Variants in C11orf65 observed in about 807,000 individuals in gnomAD.
C11orf65 encodes chromosome 11 open reading frame 65.
Under a neutral mutation model 35.3 loss-of-function variants are expected in C11orf65, and 38 were observed. The observed-to-expected ratio is 1.08, with a 90% CI of 0.83 to 1.41. C11orf65 has a LOEUF of 1.41. C11orf65 is among the 40% of genes most tolerant of loss of function. C11orf65 has a pLI of 0.00. For missense variants in C11orf65, 370 were observed against 367.1 expected, an observed-to-expected ratio of 1.01 and a Z score of -0.06; for synonymous variants, 105 against 114.4, an observed-to-expected ratio of 0.92 and a Z score of 0.53.
rs1383606113 is a variant in C11orf65, at chr11:108,349,148, A to C, written c.227-13856T>G. On this transcript the variant is annotated intron_variant, in intron 2 of 3. Transcript: ENST00000524755. ...AAAAAACTGAGAAGTACTCAAAGGAAGTCAGGATCTTGGAAGGCAAGAGGG... is the reference window on the plus strand; with the variant it reads ...AAAAAACTGAGAAGTACTCAAAGGACGTCAGGATCTTGGAAGGCAAGAGGG... 6.6e-6 allele frequency among the ~76,000 whole-genome samples: 1 copy of C among 152,234 alleles called. No individual in the cohort carries two copies. Among genetic ancestry groups the C allele is most frequent in the Admixed American group, 6.5e-5 (1 of 15,282 alleles).
At chr11:108,451,004 G>A (rs1407041213) in intron 2 of C11orf65, among the ~76,000 whole-genome samples, 2 of 151,770 alleles carry the variant, frequency 1.3e-5, no homozygotes, top group African/African-American at 4.9e-5. Flanking sequence ...GATGGGACGT[G>A]TTTCAAAATA....
rs1333346789 is a variant in C11orf65, at chr11:108,321,522, C to G, written c.641-12451G>C. On this transcript the variant is annotated intron_variant, in intron 6 of 6. Coordinates refer to the C11orf65 transcript ENST00000525729. ...TATAGGCCGGGCACGGTGGCTCATG[C>G]CTGTAATCCTAGCACTTTAGAAGGC... 3.9e-6 allele frequency: 6 copies of G among 1,533,462 alleles called. No individual in the cohort carries two copies. The Admixed American group carries it at 8.4e-5, about 22-fold the overall frequency. The allele number at this position is 1,533,462 out of a possible 1,614,324, so 95.0% of individuals were successfully genotyped here.
rs149413683 is a variant in C11orf65 at position 108,372,262 on chromosome 11, C to T, written c.226+20946G>A. ...AGGCTGGAGTGCAGCAGCACGATCT[C>T]GGCTCACTGCAACCTCTGCCTCCCA... On this transcript the variant is annotated intron_variant, in intron 2 of 3. Coordinates refer to the C11orf65 transcript ENST00000524755. Among the ~76,000 whole-genome samples the T allele has an allele frequency of 7.5e-3, 1,142 of 152,278 alleles. 8 individuals are homozygous for T. Among genetic ancestry groups the T allele is most frequent in the African/African-American group, 0.024 (1,009 of 41,554 alleles).
intron 7 of C11orf65, among the ~76,000 whole-genome samples, chr11:108,386,825 T>C (rs922531537): frequency 3.9e-5 from 6 of 152,102 alleles, no homozygotes; most frequent in Non-Finnish European, 7.4e-5. Context: ...CTCACACCTG[T>C]AATACCAGCA....
intron 2 of C11orf65, among the ~76,000 whole-genome samples, chr11:108,373,839 G>A (rs1170802017): frequency 2.6e-5 from 4 of 152,342 alleles, no homozygotes; most frequent in East Asian, 3.9e-4. Flanking sequence ...GCGCTTTTCC[G>A]ACGGGCTTAG....
chr11:108,339,111 C>G (rs1334185494), intron 2 of C11orf65, among the ~76,000 whole-genome samples: 2 of 152,162 alleles, frequency 1.3e-5, no homozygotes, highest in African/African-American at 4.8e-5. Context: ...GAAGACAGTT[C>G]TTATTGTGTA....
chr11:108,401,935 G>A (rs2092446963), intron 6 of C11orf65, among the ~76,000 whole-genome samples: 4 of 152,314 alleles, frequency 2.6e-5, no homozygotes, highest in African/African-American at 7.2e-5. Context: ...TCCCAGGTGA[G>A]TATGGCCATA....
chr11:108,367,010 CAG>C, intron 2 of C11orf65: 1 of 193,680 alleles, frequency 5.2e-6, no homozygotes, highest in East Asian at 8.1e-5. Context: ...TTTTCTGAGA[CAG>C]AGTCTTGCTC....
upstream of C11orf65, among the ~76,000 whole-genome samples, chr11:108,469,054 C>A (rs558302969): frequency 6.6e-5 from 10 of 151,844 alleles, no homozygotes; most frequent in South Asian, 2.1e-3. Flanking sequence ...CTGTGTTAGC[C>A]AGGATGGTCT....
chr11:108,315,624 T>C (rs1056428112), intron 6 of C11orf65, among the ~76,000 whole-genome samples: 1 of 152,176 alleles, frequency 6.6e-6, no homozygotes, highest in Non-Finnish European at 1.5e-5. Flanking sequence ...AATCCACATA[T>C]AAGTTGTCCT....
chr11:108,325,236 C>A, intron 6 of C11orf65: 1 of 1,031,382 alleles, frequency 9.7e-7, no homozygotes. Context: ...TCGTAAGTTC[C>A]AGAACTTACA....
At chr11:108,454,887 T>C (rs1165496022) in intron 2 of C11orf65, among the ~76,000 whole-genome samples, 1 of 152,250 alleles carries the variant, frequency 6.6e-6, no homozygotes, top group Non-Finnish European at 1.5e-5. Context: ...ATTTCTGCTC[T>C]AATCTTTATT....
intron 2 of C11orf65, among the ~76,000 whole-genome samples, chr11:108,437,167 G>A (rs1024370672): frequency 6.7e-6 from 1 of 150,294 alleles, no homozygotes; most frequent in South Asian, 2.1e-4. Context: ...CACACCTGAA[G>A]TCCTAGCTAC....
rs786203272 is a variant in C11orf65, at chr11:108,345,797, C to CAA, written c.227-10507_227-10506dup. The CAA allele has an allele frequency of 3.1e-6, 5 of 1,613,622 alleles. No individual in the cohort carries two copies. Among genetic ancestry groups the CAA allele is most frequent in the Non-Finnish European group, 4.2e-6 (5 of 1,179,750 alleles). On this transcript the variant is annotated intron_variant, in intron 2 of 3. Coordinates refer to the C11orf65 transcript ENST00000524755. ...ATATGAAGTCTTCATGGATGTTTGC[C>CAA]AAAATTTTCAACCAGTTTTCCGTTA...
chr11:108,344,738 G>C (rs756374552), intron 2 of C11orf65, among the ~76,000 whole-genome samples: 1 of 151,976 alleles, frequency 6.6e-6, no homozygotes, highest in African/African-American at 2.4e-5. Context: ...GTGTGGTAGC[G>C]CATGCCTGTA....
chr11:108,331,884 CTCTAGAATT>C lies in C11orf65; in HGVS notation c.300-326_300-318del, dbSNP rs587776547. 101 of 1,613,216 alleles carry C rather than the reference CTCTAGAATT, an allele frequency of 6.3e-5. No homozygotes were observed. Among genetic ancestry groups the C allele is most frequent in the Non-Finnish European group, 8.1e-5 (95 of 1,179,462 alleles). On this transcript the variant is annotated intron_variant, in intron 3 of 3. Coordinates refer to the C11orf65 transcript ENST00000524755. ...TAATAGTTCTTTTCTTACAGCTAAT[CTCTAGAATT>C]TCAATGGATCACCCCCATCACACTT...
chr11:108,416,687 C>T (rs1212948684), intron 3 of C11orf65, among the ~76,000 whole-genome samples: 3 of 152,016 alleles, frequency 2.0e-5, no homozygotes, highest in African/African-American at 4.8e-5. Context: ...ACAACAACAA[C>T]AACAAAACAA....
intron 3 of C11orf65, chr11:108,333,792 A>C: frequency 1.0e-6 from 1 of 992,586 alleles, no homozygotes; most frequent in South Asian, 1.3e-5. Context: ...GATTAGCAAC[A>C]AGTTGGGGCC....
At chr11:108,398,410 T>A (rs747915097) in intron 6 of C11orf65, among the ~76,000 whole-genome samples, 9 of 152,200 alleles carry the variant, frequency 5.9e-5, no homozygotes, top group Non-Finnish European at 1.2e-4. Context: ...TGTCATAAGC[T>A]GAGACCAGAA....
Sources: allele counts gnomAD v4.1 joint callset (sites outside exome capture counted in the v4.1 genomes callset), GRCh38; gene constraint gnomAD v4.1.1; transcripts MANE v1.5; gene names NCBI Gene and HGNC (gene_info 2026-07-23, HGNC 2026-07-21).